COL24A1: variants seen among roughly 807,000 people sequenced by gnomAD.
The protein encoded by COL24A1 is collagen type XXIV alpha 1 chain, also known as collagen alpha-1(XXIV) chain.
In COL24A1, 224 loss-of-function variants were observed where a neutral mutation model predicts 253.9. The ratio of observed to expected loss-of-function variants is 0.88; its 90% confidence interval spans 0.79 to 0.99. The LOEUF (loss-of-function observed/expected upper bound fraction) is 0.99, where lower values mean the gene tolerates loss of function less well. Ranked by LOEUF, COL24A1 falls within the 50% of genes least tolerant of loss-of-function variation. The pLI, the probability that COL24A1 is intolerant of heterozygous loss-of-function variation, is 0.00. For missense variants in COL24A1, 2,131 were observed against 2,068.5 expected (o/e 1.03, Z -0.59); for synonymous variants, 685 against 673.7 (o/e 1.02, Z -0.26).
chr1:85,996,615 G>A (rs567009604), intron 19 of COL24A1, among the ~76,000 whole-genome samples: 1 of 151,904 alleles, frequency 6.6e-6, no homozygotes, highest in Admixed American at 6.6e-5. Flanking sequence ...CAGCCTGGGC[G>A]ACAGAGGGAG....
At chr1:86,145,944 C>T (rs560997036) in intron 2 of COL24A1, among the ~76,000 whole-genome samples, 175 bp downstream of exon 2, 32 of 151,966 alleles carry the variant, frequency 2.1e-4, no homozygotes, top group Middle Eastern at 3.4e-3. Flanking sequence ...TCTTAAAGGT[C>T]GTATTTCCCC....
chr1:86,107,506 GTAATTTAT>G (rs1471301858), intron 5 of COL24A1, among the ~76,000 whole-genome samples: 1 of 144,518 alleles, frequency 6.9e-6, no homozygotes, highest in Non-Finnish European at 1.5e-5. Flanking sequence ...TGACACAATG[GTAATTTAT>G]TTATTTATTT....
chr1:85,884,464 A>C (rs1682232083), intron 32 of COL24A1, among the ~76,000 whole-genome samples: 2 of 152,158 alleles, frequency 1.3e-5, no homozygotes, highest in South Asian at 4.1e-4. Flanking sequence ...TTTGTGGCAC[A>C]GTTCCTTTAG....
intron 57 of COL24A1, among the ~76,000 whole-genome samples, chr1:85,742,434 G>C (rs1292856217): frequency 2.0e-5 from 3 of 151,986 alleles, no homozygotes; most frequent in Admixed American, 6.6e-5. Flanking sequence ...GCCCGTCCTA[G>C]ACCTCATTTC....
intron 1 of COL24A1, among the ~76,000 whole-genome samples, chr1:86,153,109 G>A (rs1438770263): frequency 6.6e-6 from 1 of 151,982 alleles, no homozygotes; most frequent in Non-Finnish European, 1.5e-5. Flanking sequence ...GCTTTTTATT[G>A]TTCCTTCTGT....
intron 32 of COL24A1, among the ~76,000 whole-genome samples, chr1:85,885,397 A>ATATATTTTTTTTT (rs60994639): frequency 2.5e-4 from 32 of 128,906 alleles, no homozygotes; most frequent in Non-Finnish European, 3.9e-4. Context: ...ATATATATAT[A>ATATATTTTTTTTT]TTTTTTTTTT....
At chr1:85,828,943 T>G (rs1429736872) in intron 43 of COL24A1, among the ~76,000 whole-genome samples, 1 of 151,326 alleles carries the variant, frequency 6.6e-6, no homozygotes. Context: ...AATATTGTTA[T>G]GTGTGAATTT....
intron 55 of COL24A1, among the ~76,000 whole-genome samples, chr1:85,754,735 G>A (rs414618): frequency 0.58 from 88,252 of 151,468 alleles, 25,947 homozygotes; most frequent in South Asian, 0.63. Flanking sequence ...GCAGAAGTAA[G>A]CACCAGTTAA....
At chr1:86,016,754 A>G (rs1376939534) in intron 19 of COL24A1, among the ~76,000 whole-genome samples, 2 of 152,240 alleles carry the variant, frequency 1.3e-5, no homozygotes, top group African/African-American at 4.8e-5. Context: ...TGTACTACAG[A>G]CTTAATTGTA....
intron 32 of COL24A1, among the ~76,000 whole-genome samples, chr1:85,878,524 A>C (rs546537139): frequency 2.6e-5 from 4 of 152,320 alleles, no homozygotes; most frequent in Middle Eastern, 3.4e-3. Flanking sequence ...TGCACCTATA[A>C]ATAAAGCTGC....
At chr1:86,029,521 C>A (rs959519202) in intron 14 of COL24A1, among the ~76,000 whole-genome samples, 2 of 152,112 alleles carry the variant, frequency 1.3e-5, no homozygotes, top group Non-Finnish European at 2.9e-5. Flanking sequence ...CTCATGTTAT[C>A]CCAAGATGGC....
intron 47 of COL24A1, among the ~76,000 whole-genome samples, chr1:85,790,011 C>CT (rs1558135921): frequency 6.6e-6 from 1 of 152,012 alleles, no homozygotes; most frequent in African/African-American, 2.4e-5. Flanking sequence ...CTTAAGTTTT[C>CT]TTTTTTTGTT....
chr1:85,838,836 G>A (rs1245321430), intron 42 of COL24A1, among the ~76,000 whole-genome samples, 198 bp from the exon 43 acceptor site: 1 of 152,124 alleles, frequency 6.6e-6, no homozygotes, highest in African/African-American at 2.4e-5. Flanking sequence ...ACCAACCAGT[G>A]AATTATATAA....
intron 20 of COL24A1, among the ~76,000 whole-genome samples, chr1:85,973,460 A>C (rs549072974): frequency 1.3e-5 from 2 of 152,346 alleles, no homozygotes; most frequent in Non-Finnish European, 2.9e-5. Context: ...GAGGATTAGC[A>C]TATTTTTAAT....
At chr1:85,885,152 G>A (rs1364492637) in intron 32 of COL24A1, among the ~76,000 whole-genome samples, 2 of 151,702 alleles carry the variant, frequency 1.3e-5, no homozygotes, top group African/African-American at 4.8e-5. Flanking sequence ...TTTTGAGGAT[G>A]GGAGTGATGA....
chr1:86,074,939 GAA>G (rs1702142448), intron 7 of COL24A1, among the ~76,000 whole-genome samples: 1 of 152,054 alleles, frequency 6.6e-6, no homozygotes, highest in Non-Finnish European at 1.5e-5. Context: ...ATGCTATAGG[GAA>G]AGATCTAAAA....
At chr1:85,839,753 G>T (rs12749558) in intron 42 of COL24A1, among the ~76,000 whole-genome samples, 8,381 of 151,916 alleles carry the variant, frequency 0.055, 333 homozygotes, top group Non-Finnish European at 0.081. Context: ...TAATTTTCAA[G>T]ACATAAATTA....
intron 32 of COL24A1, among the ~76,000 whole-genome samples, chr1:85,885,397 AT>A (rs1177337391): frequency 4.6e-4 from 59 of 128,910 alleles, no homozygotes; most frequent in African/African-American, 1.6e-3. Context: ...ATATATATAT[AT>A]TTTTTTTTTA....
At chr1:86,002,339 A>G (rs544935693) in intron 19 of COL24A1, among the ~76,000 whole-genome samples, 1 of 152,378 alleles carries the variant, frequency 6.6e-6, no homozygotes, top group South Asian at 2.1e-4. Context: ...GGGTGACTGT[A>G]GACTACCACA....
Sources: gnomAD v4.1 joint callset for allele counts (sites outside exome capture counted in the v4.1 genomes callset) on GRCh38, gnomAD v4.1.1 for gene constraint, MANE v1.5 for transcripts, NCBI Gene and HGNC (gene_info 2026-07-23, HGNC 2026-07-21) for gene names.